The following CATSPERT variants were observed in gnomAD, a reference collection of about 807,000 sequenced individuals.
CATSPERT encodes the protein cation channel sperm-associated targeting subunit tau.
At chr2:201,541,851 C>T in the CATSPERT span, among the ~76,000 whole-genome samples, 1 of 151,964 alleles carries the variant, frequency 6.6e-6, no homozygotes, top group Non-Finnish European at 1.5e-5. Context: ...CTGCCTCGGC[C>T]TCCCAAAGTG....
chr2:201,561,478 A>G, the CATSPERT span, among the ~76,000 whole-genome samples: 1 of 152,244 alleles, frequency 6.6e-6, no homozygotes, highest in Non-Finnish European at 1.5e-5. Flanking sequence ...CAAATTATCC[A>G]TAATGTTTTA....
the CATSPERT span, among the ~76,000 whole-genome samples, chr2:201,502,976 C>A: frequency 4.0e-5 from 6 of 151,802 alleles, no homozygotes; most frequent in African/African-American, 1.5e-4. Context: ...TTATCTTCTG[C>A]AGCATCTAAT....
At chr2:201,510,234 A>T in the CATSPERT span, among the ~76,000 whole-genome samples, 8 of 150,510 alleles carry the variant, frequency 5.3e-5, no homozygotes, top group Non-Finnish European at 1.0e-4. Context: ...ACCTGAGGTC[A>T]GGAGTTCAAG....
At chr2:201,504,679 C>T in the CATSPERT span, among the ~76,000 whole-genome samples, 10,362 of 152,156 alleles carry the variant, frequency 0.068, 470 homozygotes, top group African/African-American at 0.12. Context: ...GCCCTCCTTG[C>T]CCAGGATCTA....
At chr2:201,489,737 C>A in the CATSPERT span, among the ~76,000 whole-genome samples, 1 of 152,084 alleles carries the variant, frequency 6.6e-6, no homozygotes, top group African/African-American at 2.4e-5. Context: ...ATGGGTCATG[C>A]CTGTTATGCA....
the CATSPERT span, among the ~76,000 whole-genome samples, chr2:201,570,754 A>G: frequency 2.0e-5 from 3 of 152,122 alleles, no homozygotes; most frequent in African/African-American, 7.2e-5. Flanking sequence ...TCAACTAAAG[A>G]CTGTTCTCTA....
chr2:201,579,656 G>A, the CATSPERT span, among the ~76,000 whole-genome samples: 2 of 150,702 alleles, frequency 1.3e-5, no homozygotes, highest in Admixed American at 6.6e-5. Flanking sequence ...ATCTAGAATA[G>A]TTCCTTCCAT....
chr2:201,616,552 G>A, the CATSPERT span, among the ~76,000 whole-genome samples: 6 of 151,988 alleles, frequency 3.9e-5, no homozygotes, highest in Non-Finnish European at 8.8e-5. Flanking sequence ...TTGATGGGAC[G>A]TATCTCAAAA....
At chr2:201,502,866 T>G in the CATSPERT span, among the ~76,000 whole-genome samples, 17,669 of 151,650 alleles carry the variant, frequency 0.12, 1,386 homozygotes, top group Non-Finnish European at 0.16. Flanking sequence ...GTTATACCAC[T>G]TTGTATTTTC....
chr2:201,536,110 T>C, the CATSPERT span: 1 of 1,613,540 alleles, frequency 6.2e-7, no homozygotes, highest in South Asian at 1.1e-5. Context: ...TTCATTTTTC[T>C]GTCTGGCATG....
At chr2:201,573,349 A>G in the CATSPERT span, among the ~76,000 whole-genome samples, 1 of 152,222 alleles carries the variant, frequency 6.6e-6, no homozygotes, top group African/African-American at 2.4e-5. Context: ...AGGAGAGTTC[A>G]AATAGCACCA....
At chr2:201,608,387 A>C in the CATSPERT span, among the ~76,000 whole-genome samples, 2 of 152,072 alleles carry the variant, frequency 1.3e-5, no homozygotes, top group Non-Finnish European at 2.9e-5. Context: ...TTTTTTTAAA[A>C]TTTTGGTAGA....
the CATSPERT span, chr2:201,547,667 G>C: frequency 1.2e-6 from 1 of 869,348 alleles, no homozygotes; most frequent in Non-Finnish European, 1.7e-6. Flanking sequence ...AATACATATG[G>C]TATGATTCAC....
chr2:201,574,930 C>T, the CATSPERT span, among the ~76,000 whole-genome samples: 10 of 151,444 alleles, frequency 6.6e-5, no homozygotes, highest in African/African-American at 2.2e-4. Context: ...AATACTTCCT[C>T]AATTTAGCAA....
chr2:201,566,624 G>C, the CATSPERT span, among the ~76,000 whole-genome samples: 2 of 150,824 alleles, frequency 1.3e-5, no homozygotes, highest in African/African-American at 2.5e-5. Context: ...ATTTGGGTTA[G>C]TTCCAAGTCT....
the CATSPERT span, among the ~76,000 whole-genome samples, chr2:201,515,622 G>A: frequency 6.6e-6 from 1 of 152,234 alleles, no homozygotes; most frequent in East Asian, 1.9e-4. Context: ...CTGTCTGGGA[G>A]AAAGGTAACA....
the CATSPERT span, among the ~76,000 whole-genome samples, chr2:201,522,617 C>T: frequency 1.3e-5 from 2 of 152,172 alleles, no homozygotes; most frequent in Non-Finnish European, 2.9e-5. Flanking sequence ...CATGGATCTC[C>T]AGAATCCTAG....
At chr2:201,539,985 A>G in the CATSPERT span, among the ~76,000 whole-genome samples, 1 of 152,186 alleles carries the variant, frequency 6.6e-6, no homozygotes, top group Non-Finnish European at 1.5e-5. Flanking sequence ...ATGATAAGAA[A>G]GCAAAACAGC....
chr2:201,563,222 G>A, the CATSPERT span, among the ~76,000 whole-genome samples: 1 of 133,202 alleles, frequency 7.5e-6, no homozygotes, highest in African/African-American at 2.9e-5. Flanking sequence ...CGGACTGGGC[G>A]GCTGGCTGGG....
Sources: gnomAD v4.1 joint callset for allele counts (sites outside exome capture counted in the v4.1 genomes callset) on GRCh38, gnomAD v4.1.1 for gene constraint, MANE v1.5 for transcripts, NCBI Gene and HGNC (gene_info 2026-07-23, HGNC 2026-07-21) for gene names.